C11orf42: variants seen among roughly 807,000 people sequenced by gnomAD.
The protein encoded by C11orf42 is chromosome 11 open reading frame 42, also known as uncharacterized protein C11orf42.
Under a neutral mutation model 27.9 loss-of-function variants are expected in C11orf42, and 24 were observed. The observed-to-expected ratio is 0.86, with a 90% CI of 0.62 to 1.21. The LOEUF (loss-of-function observed/expected upper bound fraction) is 1.21. Among genes scored for constraint, C11orf42 ranks in the 50% most tolerant of loss-of-function variants. The pLI is 0.00. For missense variants in C11orf42, 455 were observed against 424.1 expected (o/e 1.07, Z -0.64); for synonymous variants, 187 against 180.8 (o/e 1.03, Z -0.28).
chr11:6,210,452 G>C lies in C11orf42; in HGVS notation c.675G>C (p.Trp225Cys). ...ACCCATTGCCCCATGGGGCCAACTG[G>C]GTCAGACCCAACCTCAGCATCATGC... is the stretch of plus-strand genomic sequence containing the variant. ...TKDPLPHGAN[W>C]VRPNLSIMPP... The change falls in exon 2 of 3, where the codon TGG (tryptophan) becomes TGC (cysteine). Residue 225 changes from tryptophan (W) to cysteine (C), a missense_variant. Transcript: ENST00000316375. This position sits in a 1 kb window ranked among gnomAD's most constrained non-coding sequence, Gnocchi z 4.0. The C allele has an allele frequency of 6.2e-7, 1 of 1,614,110 alleles. No homozygotes were observed. Among genetic ancestry groups the C allele is most frequent in the Non-Finnish European group, 8.5e-7 (1 of 1,179,998 alleles).
In C11orf42 at chr11:6,210,130, G is replaced by C. The variant is rs748649989; in HGVS notation, c.353G>C (p.Gly118Ala). 1.7e-5 allele frequency: 28 copies of C among 1,614,048 alleles called. No individual in the cohort carries two copies. In the East Asian group the frequency reaches 6.2e-4, roughly 36 times the overall value. ...TATGAAGAGACGCGAATGTTGGATG[G>C]ACAGCCCTGCAAGATCCGCCTACAT... The part of the protein sequence containing the change: ...RAYEETRMLD[G>A]QPCKIRLHMG... The change falls in exon 2 of 3, where the codon GGA becomes GCA. Residue 118 changes from glycine (G) to alanine (A), a missense_variant. Coordinates refer to ENST00000316375, the MANE Select transcript of C11orf42 (RefSeq NM_173525.3). The surrounding 1 kb of genome is among the most constrained non-coding windows in gnomAD (Gnocchi z 4.0).
intron 1 of C11orf42, among the ~76,000 whole-genome samples, chr11:6,209,644 A>T (rs1847020193): frequency 6.6e-6 from 1 of 152,356 alleles, no homozygotes; most frequent in Non-Finnish European, 1.5e-5. Context: ...ACAAAGTCTC[A>T]TTCTTTTATG....
rs1323760309 is a variant in C11orf42, at chr11:6,210,687, GA to G, written c.871+40del. ...AAATGATGATGAGATGGATGGGAGG[GA>G]CAAAGTGAAGGAGGGAGAAGGCATG... On this transcript the variant is annotated intron_variant, in intron 2 of 2. Transcript: ENST00000316375. The surrounding 1 kb of genome is among the most constrained non-coding windows in gnomAD (Gnocchi z 4.0). 27 of 1,595,828 alleles carry G rather than the reference GA, an allele frequency of 1.7e-5. No homozygotes were observed. The highest frequency in any genetic ancestry group is 2.3e-5 in the Non-Finnish European group (27 of 1,167,468).
At chr11:6,206,549 C>G (rs1388575820) in intron 1 of C11orf42, among the ~76,000 whole-genome samples, 2 of 101,540 alleles carry the variant, frequency 2.0e-5, no homozygotes, top group Non-Finnish European at 4.9e-5. Context: ...GTCAGCCTAC[C>G]AGGCTTAAAA....
Position 6,211,041 on chromosome 11 carries a change from G to A in C11orf42, c.1001G>A (p.Ter334=). 1.9e-6 allele frequency: 3 copies of A among 1,610,278 alleles called. No homozygotes were observed. Among genetic ancestry groups the A allele is most frequent in the African/African-American group, 2.7e-5 (2 of 74,632 alleles). Residue 334 remains the stop codon, a stop_retained_variant, in exon 3 of 3, where the codon TGA becomes TAA. Coordinates refer to ENST00000316375, the MANE Select transcript of C11orf42 (RefSeq NM_173525.3). The part of the protein sequence containing the change: ...GLSSEFDSDD[*] ...TCCTCAGAGTTCGACAGTGACGACT[G>A]AAGCTGAAGCAAAAGATTCCGGGGG...
chr11:6,209,558 T>C (rs1367654450), intron 1 of C11orf42, among the ~76,000 whole-genome samples: 1 of 152,194 alleles, frequency 6.6e-6, no homozygotes, highest in Non-Finnish European at 1.5e-5. Context: ...CACACCTTGC[T>C]CTCTATTAAT....
chr11:6,205,767 G>A, intron 1 of C11orf42, 80 bp downstream of exon 1: 1 of 1,161,718 alleles, frequency 8.6e-7, no homozygotes, highest in Non-Finnish European at 1.3e-6. Flanking sequence ...GTAGGAAGGG[G>A]TGGGAAGTCT....
Position 6,210,492 on chromosome 11 carries a change from A to ACATCAGCAC in C11orf42, c.717_725dup (p.Ser240_Pro242dup), listed in dbSNP as rs1847040492. ...CAGCATCATGCCGCCTCTGGCCCCC[A>ACATCAGCAC]CATCAGCACCTGCTGATACAACTGA... is the stretch of plus-strand genomic sequence containing the variant. On this transcript the variant is annotated inframe_insertion, in exon 2 of 3. Coordinates refer to ENST00000316375, the MANE Select transcript of C11orf42 (RefSeq NM_173525.3). This position sits in a 1 kb window ranked among gnomAD's most constrained non-coding sequence, Gnocchi z 4.0. 1.2e-6 allele frequency: 2 copies of ACATCAGCAC among 1,613,328 alleles called. No individual in the cohort carries two copies. The highest frequency in any genetic ancestry group is 1.7e-6 in the Non-Finnish European group (2 of 1,179,642).
At chr11:6,207,500 G>C (rs1018067868) in intron 1 of C11orf42, among the ~76,000 whole-genome samples, 2 of 152,210 alleles carry the variant, frequency 1.3e-5, no homozygotes, top group African/African-American at 4.8e-5. Flanking sequence ...GTTAGTGTGA[G>C]ATTCTGATGT....
At chr11:6,209,345 C>T (rs1847015376) in intron 1 of C11orf42, among the ~76,000 whole-genome samples, 1 of 152,098 alleles carries the variant, frequency 6.6e-6, no homozygotes, top group African/African-American at 2.4e-5. Flanking sequence ...TCATACCATA[C>T]ATACCAGCAA....
In C11orf42 at chr11:6,210,813, T is replaced by C. The variant is rs1171369186; in HGVS notation, c.872-99T>C. 6.3e-6 allele frequency: 9 copies of C among 1,439,642 alleles called. No homozygotes were observed. The highest frequency in any genetic ancestry group is 7.4e-6 in the Non-Finnish European group (8 of 1,076,744). 89.2% of individuals were successfully genotyped at this position (1,439,642 alleles called of 1,614,324 possible). Reference sequence around the variant, plus strand: ...AGGGTGAGATGGAATGAGGAGGCCCTAGGAAGGGGATTGGGATGGCACAGA... The same window carrying C: ...AGGGTGAGATGGAATGAGGAGGCCCCAGGAAGGGGATTGGGATGGCACAGA... On this transcript the variant is annotated intron_variant, in intron 2 of 2. Coordinates refer to ENST00000316375, the MANE Select transcript of C11orf42 (RefSeq NM_173525.3). The surrounding 1 kb of genome is among the most constrained non-coding windows in gnomAD (Gnocchi z 4.0).
In C11orf42 at chr11:6,210,912, A is replaced by G. The variant is rs774976857; in HGVS notation, c.872A>G (p.Glu291Gly). The G allele has an allele frequency of 2.5e-6, 4 of 1,604,016 alleles. No individual in the cohort carries two copies. The highest frequency in any genetic ancestry group is 3.4e-6 in the Non-Finnish European group (4 of 1,176,318). ...CTGTGACTATCCCCAACCCTGGCAG[A>G]GAACTGGCTCTTCAGCCCCCGCAGC... ...PFWRGPQILS[E>G]NWLFSPRSPP... The change falls in exon 3 of 3, where the codon GAG becomes GGG. Residue 291 changes from glutamate (E) to glycine (G), a missense_variant and splice_region_variant. Coordinates refer to ENST00000316375, the MANE Select transcript of C11orf42 (RefSeq NM_173525.3). This position sits in a 1 kb window ranked among gnomAD's most constrained non-coding sequence, Gnocchi z 4.0.
At position 6,205,689 on chromosome 11, in the gene C11orf42, T is replaced by C. The variant is rs566939414; in HGVS notation, c.72+2T>C. 1.2e-6 allele frequency: 2 copies of C among 1,612,670 alleles called. No individual in the cohort carries two copies. Among genetic ancestry groups the C allele is most frequent in the East Asian group, 2.2e-5 (1 of 44,808 alleles). On this transcript the variant is annotated splice_donor_variant, in intron 1 of 2. Transcript: ENST00000316375. LOFTEE classifies it high-confidence loss of function. ...ACCTGGACCCTCATCAAGGATAAGG[T>C]AGGTAAAGTAAGGAGGCTAAAGAGG...
In C11orf42 at chr11:6,210,040, G is replaced by T. The variant is rs771150638; in HGVS notation, c.263G>T (p.Gly88Val). 6.2e-7 allele frequency: 1 copy of T among 1,614,246 alleles called. No homozygotes were observed. The highest frequency in any genetic ancestry group is 8.5e-7 in the Non-Finnish European group (1 of 1,180,050). The stretch of plus-strand genomic sequence containing the variant: ...CTACCAAGCCTCCTGGAGCAGGCAG[G>T]ATCTGAGGGTGCCTTCGCCCACTGC... ...GPLPSLLEQAGSEGAFAHCTR... is the reference protein window; with the variant it reads ...GPLPSLLEQAVSEGAFAHCTR... Residue 88 changes from glycine (G) to valine (V), a missense_variant, in exon 2 of 3, where the codon GGA (glycine) becomes GTA (valine). Transcript: ENST00000316375. This position sits in a 1 kb window ranked among gnomAD's most constrained non-coding sequence, Gnocchi z 4.0.
chr11:6,208,513 G>A (rs1387685979), intron 1 of C11orf42, among the ~76,000 whole-genome samples: 1 of 152,106 alleles, frequency 6.6e-6, no homozygotes, highest in Admixed American at 6.5e-5. Context: ...TGCAACCTCC[G>A]CTTCCCAGGT....
At position 6,210,315 on chromosome 11, in the gene C11orf42, C is replaced by T. The variant is rs761530400; in HGVS notation, c.538C>T (p.Arg180Cys). ...GCAGCTGGGGCTGACGTCTACAGCCCGTGAGCCCCAGCTCCTCCGGCTACT... is the reference window on the plus strand; with the variant it reads ...GCAGCTGGGGCTGACGTCTACAGCCTGTGAGCCCCAGCTCCTCCGGCTACT... ...WLQLGLTSTA[R>C]EPQLLRLLRS... The change falls in exon 2 of 3, where the codon CGT becomes TGT. Residue 180 changes from arginine (R) to cysteine (C), a missense_variant. Arg to Cys is a radical substitution (Grantham distance 180). Transcript: ENST00000316375. This position sits in a 1 kb window ranked among gnomAD's most constrained non-coding sequence, Gnocchi z 4.0. The T allele has an allele frequency of 5.6e-6, 9 of 1,614,070 alleles. No homozygotes were observed. The highest frequency in any genetic ancestry group is 5.3e-5 in the African/African-American group (4 of 74,926).
rs550727301 is a variant in C11orf42, at chr11:6,210,965, C to T, written c.925C>T (p.Pro309Ser). The T allele has an allele frequency of 2.5e-6, 4 of 1,607,130 alleles. No homozygotes were observed. The highest frequency in any genetic ancestry group is 3.5e-5 in the Admixed American group (2 of 57,400). Residue 309 changes from proline (P) to serine (S), a missense_variant, in exon 3 of 3, where the codon CCC (proline) becomes TCC (serine). Physicochemically the swap from Pro to Ser is moderately conservative, Grantham distance 74. Transcript: ENST00000316375. The surrounding 1 kb of genome is among the most constrained non-coding windows in gnomAD (Gnocchi z 4.0). ...SPPPGAQGGG[P>S]RDPDGHSMSL... Reference sequence around the variant, plus strand: ...TCCACCAGGAGCCCAGGGTGGGGGCCCCAGGGACCCCGACGGGCACTCCAT... The same window carrying T: ...TCCACCAGGAGCCCAGGGTGGGGGCTCCAGGGACCCCGACGGGCACTCCAT...
rs2133765325 is a variant in C11orf42, at chr11:6,210,086, T to C, written c.309T>C (p.Asn103=). The C allele has an allele frequency of 6.2e-7, 1 of 1,614,142 alleles. No homozygotes were observed. The highest frequency in any genetic ancestry group is 8.5e-7 in the Non-Finnish European group (1 of 1,180,034). Residue 103 remains asparagine (N), a synonymous_variant, in exon 2 of 3, where the codon AAT becomes AAC. Transcript: ENST00000316375. This position sits in a 1 kb window ranked among gnomAD's most constrained non-coding sequence, Gnocchi z 4.0. ...ACTGCACTCGGGAATACTCACCAAA[T>C]GGCCGAGCAGAGAGAGCCTATGAAG... ...FAHCTREYSP[N]GRAERAYEET...
intron 1 of C11orf42, among the ~76,000 whole-genome samples, chr11:6,209,469 C>G (rs1239069376): frequency 6.6e-6 from 1 of 152,192 alleles, no homozygotes; most frequent in Non-Finnish European, 1.5e-5. Context: ...CTTCAAAACT[C>G]AAGTATCACC....
Sources: gnomAD v4.1 joint callset for allele counts (sites outside exome capture counted in the v4.1 genomes callset) on GRCh38, gnomAD v4.1.1 for gene constraint, Gnocchi (gnomAD v3.1) non-coding constraint, MANE v1.5 for transcripts, NCBI Gene and HGNC (gene_info 2026-07-23, HGNC 2026-07-21) for gene names.